Variants in NEDD9 observed in about 807,000 individuals in gnomAD.
The protein encoded by NEDD9 is neural precursor cell expressed, developmentally down-regulated 9, also known as enhancer of filamentation 1.
A neutral mutation model predicts 76.6 loss-of-function variants in NEDD9; 26 were observed. That is an observed-to-expected ratio of 0.34 (90% CI 0.25 to 0.47). The LOEUF (loss-of-function observed/expected upper bound fraction) is 0.47. NEDD9 is among the 20% of genes least tolerant of loss of function. NEDD9 has a pLI of 1.00. For synonymous variants in NEDD9, 392 were observed against 414.2 expected (o/e 0.95, Z 0.65); for missense variants, 937 against 1,058.5 (o/e 0.89, Z 1.59).
At chr6:11,360,648 G>A (rs531217091) in intron 1 of NEDD9, among the ~76,000 whole-genome samples, 1 of 152,224 alleles carries the variant, frequency 6.6e-6, no homozygotes, top group African/African-American at 2.4e-5. Flanking sequence ...TTCACCTTCT[G>A]CTATGATTGA....
chr6:11,260,234 G>C (rs1368088574), intron 3 of NEDD9, among the ~76,000 whole-genome samples: 1 of 152,156 alleles, frequency 6.6e-6, no homozygotes, highest in African/African-American at 2.4e-5. Flanking sequence ...AAACAGAGTA[G>C]AGAATGTACA....
intron 3 of NEDD9, among the ~76,000 whole-genome samples, chr6:11,292,220 C>T (rs1201784299): frequency 6.6e-6 from 1 of 152,142 alleles, no homozygotes; most frequent in Non-Finnish European, 1.5e-5. Flanking sequence ...CCACAGAAGA[C>T]ACTGAAAAAC....
At chr6:11,367,388 T>C (rs1017597527) in intron 1 of NEDD9, among the ~76,000 whole-genome samples, 1 of 152,250 alleles carries the variant, frequency 6.6e-6, no homozygotes. Context: ...AAAGTTATTA[T>C]ATGGCCGAGC....
intron 5 of NEDD9, among the ~76,000 whole-genome samples, 176 bp from the exon 6 acceptor site, chr6:11,188,483 A>T (rs567086332): frequency 2.0e-5 from 3 of 152,314 alleles, no homozygotes; most frequent in Admixed American, 2.0e-4. Context: ...AATAAAGCCC[A>T]TTGCCATATA....
chr6:11,360,651 A>G (rs1025358746), intron 1 of NEDD9, among the ~76,000 whole-genome samples: 2 of 152,070 alleles, frequency 1.3e-5, no homozygotes, highest in Admixed American at 1.3e-4. Context: ...ACCTTCTGCT[A>G]TGATTGAAAG....
intron 2 of NEDD9, chr6:11,199,637 C>CTTTCTTTTTTTTTT (rs1758380330): frequency 2.3e-5 from 1 of 43,110 alleles, no homozygotes; most frequent in Non-Finnish European, 4.3e-5. Context: ...TAGGAAAGAT[C>CTTTCTTTTTTTTTT]TTTTTTTTTT....
chr6:11,190,967 T>C lies in NEDD9; in HGVS notation c.902A>G (p.His301Arg). The C allele has an allele frequency of 1.2e-6, 2 of 1,613,876 alleles. No individual in the cohort carries two copies. Among genetic ancestry groups the C allele is most frequent in the Non-Finnish European group, 1.7e-6 (2 of 1,179,980 alleles). The change falls in exon 5 of 7, where the codon CAC (histidine) becomes CGC (arginine). Residue 301 changes from histidine (H) to arginine (R), a missense_variant. His to Arg is a conservative substitution (Grantham distance 29). Transcript: ENST00000379446. This position sits in a 1 kb window ranked among gnomAD's most constrained non-coding sequence, Gnocchi z 5.8. Reference sequence around the variant, plus strand: ...TGACTGTCCGAGTTGCGGGGGTGGGTGATTCGGGGACAGGCTCTGGTGCCT... The same window carrying C: ...TGACTGTCCGAGTTGCGGGGGTGGGCGATTCGGGGACAGGCTCTGGTGCCT... ...ARRHQSLSPN[H>R]PPPQLGQSVG... is the part of the protein sequence containing the mutation.
chr6:11,352,479 T>G (rs1300901829), intron 1 of NEDD9: 1 of 152,230 alleles, frequency 6.6e-6, no homozygotes, highest in African/African-American at 2.4e-5. Context: ...TCAAGCATAA[T>G]CATTTGGTTT....
intron 3 of NEDD9, among the ~76,000 whole-genome samples, chr6:11,264,099 G>A (rs1043596620): frequency 2.6e-5 from 4 of 152,232 alleles, no homozygotes; most frequent in Non-Finnish European, 5.9e-5. Flanking sequence ...GATGTGGAAG[G>A]CAGGTCTGGG....
At chr6:11,236,524 A>T (rs947849433), upstream of NEDD9, among the ~76,000 whole-genome samples, 1 of 152,226 alleles carries the variant, frequency 6.6e-6, no homozygotes, top group African/African-American at 2.4e-5. This position sits in a 1 kb window ranked among gnomAD's most constrained non-coding sequence, Gnocchi z 5.5. Context: ...AGTGAAGAGC[A>T]TGTGAGGGCA....
intron 1 of NEDD9, among the ~76,000 whole-genome samples, chr6:11,376,214 T>C (rs1762967026): frequency 1.3e-5 from 2 of 152,184 alleles, no homozygotes. Flanking sequence ...AAATTGGTAC[T>C]GAGAAGTGGA....
chr6:11,323,840 A>G (rs1035949394), intron 2 of NEDD9, among the ~76,000 whole-genome samples: 8 of 152,240 alleles, frequency 5.3e-5, no homozygotes, highest in African/African-American at 1.4e-4. Flanking sequence ...CTTGCACGTC[A>G]CATGTTCAAC....
At chr6:11,328,929 T>C (rs1761982262) in intron 2 of NEDD9, 2 of 152,242 alleles carry the variant, frequency 1.3e-5, no homozygotes, top group Admixed American at 1.3e-4. Context: ...ACCATAAACA[T>C]TTCAGAATTC....
At position 11,190,903 on chromosome 6, in the gene NEDD9, G is replaced by A. The variant is rs759212968; in HGVS notation, c.966C>T (p.Gly322=). 8.1e-6 allele frequency: 13 copies of A among 1,614,058 alleles called. No individual in the cohort carries two copies. The highest frequency in any genetic ancestry group is 1.6e-4 in the Middle Eastern group (1 of 6,062). ...SQNDAYDVPR[G]VQFLEPPAET... is the part of the protein sequence containing the mutation. ...CTGCTGGTGGCTCAAGAAACTGAAC[G>A]CCTCGGGGGACATCATATGCGTCGT... is the stretch of plus-strand genomic sequence containing the variant. Residue 322 remains glycine, a synonymous_variant, in exon 5 of 7, where the codon GGC becomes GGT. Transcript: ENST00000379446. The surrounding 1 kb of genome is among the most constrained non-coding windows in gnomAD (Gnocchi z 5.8).
At chr6:11,267,482 A>C (rs1266123362) in intron 3 of NEDD9, among the ~76,000 whole-genome samples, 1 of 152,084 alleles carries the variant, frequency 6.6e-6, no homozygotes, top group Non-Finnish European at 1.5e-5. Flanking sequence ...TTTATTTTAC[A>C]TGGCTTAAGA....
At chr6:11,338,432 G>A (rs1337971310) in intron 1 of NEDD9, among the ~76,000 whole-genome samples, 2 of 152,170 alleles carry the variant, frequency 1.3e-5, no homozygotes, top group Admixed American at 6.5e-5. Flanking sequence ...TGCTGTTTAA[G>A]TCACTCAGTT....
intron 1 of NEDD9, among the ~76,000 whole-genome samples, chr6:11,229,372 C>T (rs144347881): frequency 2.6e-5 from 4 of 152,190 alleles, no homozygotes; most frequent in African/African-American, 9.7e-5. Context: ...GCTGAGCCCC[C>T]GCCCGGGCTG....
intron 3 of NEDD9, among the ~76,000 whole-genome samples, chr6:11,261,772 T>A (rs529773574): frequency 7.9e-5 from 12 of 151,320 alleles, no homozygotes; most frequent in African/African-American, 2.9e-4. Flanking sequence ...TTATTTTCTC[T>A]CTTCCCCTTG....
At chr6:11,341,739 A>G (rs560964952) in intron 1 of NEDD9, among the ~76,000 whole-genome samples, 77 of 152,338 alleles carry the variant, frequency 5.1e-4, no homozygotes, top group Middle Eastern at 3.4e-3. Flanking sequence ...AGCTTCTACA[A>G]TGTAACATTC....
Sources: allele counts gnomAD v4.1 joint callset (sites outside exome capture counted in the v4.1 genomes callset), GRCh38; gene constraint gnomAD v4.1.1; non-coding constraint Gnocchi (gnomAD v3.1); transcripts MANE v1.5; gene names NCBI Gene and HGNC (gene_info 2026-07-23, HGNC 2026-07-21).